SWAP70: variants seen among roughly 807,000 people sequenced by gnomAD.
SWAP70 encodes the protein switch-associated protein 70.
In SWAP70, 34 loss-of-function variants were observed where a neutral mutation model predicts 80.2. The observed-to-expected ratio is 0.42, with a 90% confidence interval of 0.32 to 0.56. The LOEUF (loss-of-function observed/expected upper bound fraction) is 0.56. Ranked by LOEUF, SWAP70 falls within the 20% of genes least tolerant of loss-of-function variation. The probability of loss-of-function intolerance (pLI) is 0.09; values close to 1 mark genes in which losing one functional copy is unlikely to be tolerated. For missense variants in SWAP70, 578 were observed against 690.7 expected (o/e 0.84, Z 1.83); for synonymous variants, 239 against 238.5 (o/e 1.00, Z -0.02).
At chr11:9,720,418 A>G (rs1851119678) in intron 3 of SWAP70, 3 of 985,344 alleles carry the variant, frequency 3.0e-6, no homozygotes, top group Non-Finnish European at 3.6e-6. Flanking sequence ...AGTTACAAAC[A>G]TAACAAGTCA....
intron 9 of SWAP70, among the ~76,000 whole-genome samples, chr11:9,744,885 GA>G (rs576915597): frequency 6.6e-6 from 1 of 151,706 alleles, no homozygotes; most frequent in African/African-American, 2.4e-5. Context: ...TCTCAAAAAA[GA>G]AAAAAACAAA....
chr11:9,671,998 T>C (rs1204011214), intron 1 of SWAP70, among the ~76,000 whole-genome samples: 2 of 117,350 alleles, frequency 1.7e-5, no homozygotes, highest in African/African-American at 3.4e-5. Flanking sequence ...TTTTATATAA[T>C]ATATAAAATA....
At chr11:9,711,409 C>T (rs4910492) in intron 2 of SWAP70, among the ~76,000 whole-genome samples, 7 of 151,342 alleles carry the variant, frequency 4.6e-5, no homozygotes, top group African/African-American at 1.7e-4. Flanking sequence ...GTGTGTGTGT[C>T]TGTCTGTCTG....
At chr11:9,666,106 GAC>G (rs1850303957) in intron 1 of SWAP70, among the ~76,000 whole-genome samples, 1 of 144,914 alleles carries the variant, frequency 6.9e-6, no homozygotes, top group Admixed American at 7.0e-5. Flanking sequence ...TTTTTTCTGA[GAC>G]ACAGTCTTGC....
intron 2 of SWAP70, among the ~76,000 whole-genome samples, chr11:9,711,394 T>C (rs1850996298): frequency 6.6e-6 from 1 of 151,918 alleles, no homozygotes; most frequent in Non-Finnish European, 1.5e-5. Flanking sequence ...GCCTTTTATG[T>C]GTGTGTGTGT....
chr11:9,732,377 G>A (rs951892772), intron 6 of SWAP70, 152 bp from the exon 7 acceptor site: 1 of 764,156 alleles, frequency 1.3e-6, no homozygotes, highest in Non-Finnish European at 2.1e-6. Flanking sequence ...GACTGCTCAG[G>A]GTCACACCAC....
In SWAP70 at chr11:9,727,460, A is replaced by G. The variant is rs1016685486; in HGVS notation, c.643-593A>G. Among the ~76,000 whole-genome samples the G allele has an allele frequency of 2.6e-5, 4 of 152,192 alleles. No individual in the cohort carries two copies. The East Asian group carries it at 7.7e-4, about 29-fold the overall frequency. The stretch of plus-strand genomic sequence containing the variant: ...CACTGATCTTGAACTCCTGGCCTCA[A>G]GCGATCCTCCTGCCTTGGCCTCCCA... On this transcript the variant is annotated intron_variant, in intron 4 of 11. Coordinates refer to ENST00000318950, the MANE Select transcript of SWAP70 (RefSeq NM_015055.4).
At chr11:9,707,557 C>CTTTTTTTTTTT (rs34901698) in intron 2 of SWAP70, among the ~76,000 whole-genome samples, 4 of 64,816 alleles carry the variant, frequency 6.2e-5, no homozygotes, top group African/African-American at 1.2e-4. Flanking sequence ...TTTTTCTTTT[C>CTTTTTTTTTTT]TTTTTTTTTT....
chr11:9,664,374 G>A, intron 1 of SWAP70, 96 bp downstream of exon 1: 1 of 1,384,424 alleles, frequency 7.2e-7, no homozygotes, highest in East Asian at 2.8e-5. Flanking sequence ...CGTGACCGCA[G>A]GGCGGGGCGG....
Position 9,713,417 on chromosome 11 carries a change from C to T in SWAP70, c.241-49C>T, listed in dbSNP as rs149428715. The T allele has an allele frequency of 5.8e-6, 9 of 1,539,364 alleles. No individual in the cohort carries two copies. In the African/African-American group the frequency reaches 9.7e-5, roughly 17 times the overall value. On this transcript the variant is annotated intron_variant, in intron 2 of 11. Coordinates refer to ENST00000318950, the MANE Select transcript of SWAP70 (RefSeq NM_015055.4). Reference sequence around the variant, plus strand: ...CTTTCTATTTTACTTGCCTTAGATACTGCTTATATCGGACTGATTTGTTGG... The same window carrying T: ...CTTTCTATTTTACTTGCCTTAGATATTGCTTATATCGGACTGATTTGTTGG...
chr11:9,710,572 T>C (rs891750269), intron 2 of SWAP70, among the ~76,000 whole-genome samples: 6 of 152,168 alleles, frequency 3.9e-5, no homozygotes, highest in Non-Finnish European at 8.8e-5. Flanking sequence ...TTCATATCTT[T>C]CTAAAAAGAA....
chr11:9,701,691 C>CTTTTTTTTTTTTTTTTTTTTTTTTTTTTT, intron 2 of SWAP70, among the ~76,000 whole-genome samples: 1 of 68,508 alleles, frequency 1.5e-5, no homozygotes, highest in Non-Finnish European at 2.8e-5. Context: ...TTTGTGGGCT[C>CTTTTTTTTTTTTTTTTTTTTTTTTTTTTT]TTTTTTTTTT....
intron 2 of SWAP70, among the ~76,000 whole-genome samples, chr11:9,704,853 A>G (rs535764487): frequency 6.6e-6 from 1 of 152,346 alleles, no homozygotes; most frequent in South Asian, 2.1e-4. Flanking sequence ...GGTAACAAAT[A>G]TTTGCATATC....
At chr11:9,671,823 T>C (rs1436017750) in intron 1 of SWAP70, among the ~76,000 whole-genome samples, 2 of 101,204 alleles carry the variant, frequency 2.0e-5, no homozygotes, top group African/African-American at 8.2e-5. Context: ...TATATAAATA[T>C]ATAATATAAT....
rs145780353 is a variant in SWAP70 at position 9,706,865 on chromosome 11, A to G, written c.241-6601A>G. On this transcript the variant is annotated intron_variant, in intron 2 of 11. Transcript: ENST00000318950. ...GCTGTGTATATGGTCAGTACATCAT[A>G]TAATTTAATAATAAATACTTTGCAG... 8.5e-3 allele frequency among the ~76,000 whole-genome samples: 1,288 copies of G among 152,200 alleles called. 13 individuals are homozygous for G. Among genetic ancestry groups the G allele is most frequent in the Middle Eastern group, 0.034 (10 of 294 alleles).
In SWAP70 at chr11:9,738,205, T is replaced by C; in HGVS notation, c.1081-8T>C. 6.3e-7 allele frequency: 1 copy of C among 1,599,348 alleles called. No homozygotes were observed. ...TGCTTTTCTGTGGATGGGTTTTTGATTGGCTAGAAACTGGAGGAAGCAGCA... is the reference window on the plus strand; with the variant it reads ...TGCTTTTCTGTGGATGGGTTTTTGACTGGCTAGAAACTGGAGGAAGCAGCA... On this transcript the variant is annotated splice_region_variant and splice_polypyrimidine_tract_variant and intron_variant, in intron 7 of 11. Transcript: ENST00000318950.
intron 8 of SWAP70, among the ~76,000 whole-genome samples, chr11:9,739,073 A>C (rs1274056682): frequency 1.3e-5 from 2 of 152,214 alleles, no homozygotes; most frequent in Non-Finnish European, 2.9e-5. Context: ...TGTAATAAGC[A>C]AGGATGGCGG....
At chr11:9,666,431 G>A (rs1484898211) in intron 1 of SWAP70, among the ~76,000 whole-genome samples, 1 of 151,880 alleles carries the variant, frequency 6.6e-6, no homozygotes, top group Admixed American at 6.6e-5. Flanking sequence ...CTTCATGTAG[G>A]TTTTTTTAGT....
At chr11:9,688,656 G>A (rs781484152) in intron 1 of SWAP70, among the ~76,000 whole-genome samples, 2 of 152,132 alleles carry the variant, frequency 1.3e-5, no homozygotes, top group Non-Finnish European at 2.9e-5. Context: ...GGGGGATAAC[G>A]TGATGTTAGT....
Sources: allele counts gnomAD v4.1 joint callset (sites outside exome capture counted in the v4.1 genomes callset), GRCh38; gene constraint gnomAD v4.1.1; transcripts MANE v1.5; gene names NCBI Gene and HGNC (gene_info 2026-07-23, HGNC 2026-07-21).